The following TRAF3 variants were observed in gnomAD, a reference collection of about 807,000 sequenced individuals.
TRAF3 encodes the protein TNF receptor associated factor 3, also known as TNF receptor-associated factor 3.
A neutral mutation model predicts 62.3 loss-of-function variants in TRAF3; 13 were observed. That is an observed-to-expected ratio of 0.21 (90% CI 0.14 to 0.33). The LOEUF is 0.33. TRAF3 is among the 10% of genes least tolerant of loss of function. TRAF3 has a pLI of 1.00. For missense variants in TRAF3, 440 were observed against 741.8 expected, an observed-to-expected ratio of 0.59 and a Z score of 4.73; for synonymous variants, 269 against 283.4, an observed-to-expected ratio of 0.95 and a Z score of 0.51.
At chr14:102,804,499 A>T (rs59667165) in intron 1 of TRAF3, among the ~76,000 whole-genome samples, 3 of 151,748 alleles carry the variant, frequency 2.0e-5, no homozygotes, top group Non-Finnish European at 4.4e-5. Context: ...TTCTTTTTTT[A>T]TTTTTTGAGT....
At chr14:102,805,483 G>A (rs1222474455) in intron 1 of TRAF3, among the ~76,000 whole-genome samples, 1 of 152,156 alleles carries the variant, frequency 6.6e-6, no homozygotes, top group Non-Finnish European at 1.5e-5. Context: ...GATGCTGGGA[G>A]CCCCCTTGCG....
rs1566810228 is a variant in TRAF3, at chr14:102,903,153, TCTGA to T, written c.961-98_961-95del. On this transcript the variant is annotated intron_variant, in intron 10 of 11. Coordinates refer to ENST00000392745, the MANE Select transcript of TRAF3 (RefSeq NM_145725.3). This position sits in a 1 kb window ranked among gnomAD's most constrained non-coding sequence, Gnocchi z 6.4. ...GGGTGGCAGGCCTCATACAGGGGCCTCTGACTGTTCTGCTCCTAGCCTGTCTGTA... is the reference window on the plus strand; with the variant it reads ...GGGTGGCAGGCCTCATACAGGGGCCTCTGTTCTGCTCCTAGCCTGTCTGTA... The T allele has an allele frequency of 6.4e-7, 1 of 1,554,484 alleles. No homozygotes were observed. Among genetic ancestry groups the T allele is most frequent in the African/African-American group, 1.4e-5 (1 of 73,880 alleles).
chr14:102,782,466 C>T (rs1897308766), intron 1 of TRAF3, among the ~76,000 whole-genome samples: 1 of 152,056 alleles, frequency 6.6e-6, no homozygotes, highest in Non-Finnish European at 1.5e-5. Context: ...CTCCTGACCT[C>T]AAGTGATCCA....
At chr14:102,877,268 CCGCT>C (rs1888739912) in intron 6 of TRAF3, among the ~76,000 whole-genome samples, 1 of 145,004 alleles carries the variant, frequency 6.9e-6, no homozygotes, top group African/African-American at 2.6e-5. Context: ...CACAGGCCTT[CCGCT>C]CAGCTCATAG....
chr14:102,894,480 G>T (rs1222189429), intron 9 of TRAF3, among the ~76,000 whole-genome samples: 1 of 152,228 alleles, frequency 6.6e-6, no homozygotes, highest in Non-Finnish European at 1.5e-5. Context: ...TGTTCTCATT[G>T]CAGAGAACCT....
rs72704737 is a variant in TRAF3, at chr14:102,907,097, C to G, written c.*1313C>G. 0.25 allele frequency: 38,330 copies of G among 152,170 alleles called. 5,733 individuals are homozygous for G. The highest frequency in any genetic ancestry group is 0.4 in the African/African-American group (16,398 of 41,482). 9.4% of individuals were successfully genotyped at this position (152,170 alleles called of 1,614,324 possible). ...TGGAGCCTCCGCTGCTTAATTACCACAGATTCCAAATCTCTAGGCCCCACG... is the reference window on the plus strand; with the variant it reads ...TGGAGCCTCCGCTGCTTAATTACCAGAGATTCCAAATCTCTAGGCCCCACG... On this transcript the variant is annotated 3_prime_UTR_variant, in exon 12 of 12. Transcript: ENST00000392745.
At chr14:102,833,914 G>A (rs562641350) in intron 2 of TRAF3, among the ~76,000 whole-genome samples, 10 of 151,738 alleles carry the variant, frequency 6.6e-5, no homozygotes, top group African/African-American at 2.4e-4. Context: ...GCTTGAACCC[G>A]GGAGGCGGAG....
At chr14:102,875,488 C>A in intron 4 of TRAF3, 136 bp from the exon 5 acceptor site, 1 of 687,840 alleles carries the variant, frequency 1.5e-6, no homozygotes, top group Non-Finnish European at 2.5e-6. Flanking sequence ...TCAAGATGGT[C>A]CTTAATGCTT....
chr14:102,835,960 T>G lies in TRAF3; in HGVS notation c.-18+5488T>G, dbSNP rs147561646. Among the ~76,000 whole-genome samples, 174 of 152,300 alleles carry G rather than the reference T, an allele frequency of 1.1e-3. 2 individuals are homozygous for G. In the East Asian group the frequency reaches 0.031, roughly 27 times the overall value. Reference sequence around the variant, plus strand: ...ATGACTCATGCCTGGAATACTAGCATGTTGGCGGGAGGATCGCTTGAGGCC... The same window carrying G: ...ATGACTCATGCCTGGAATACTAGCAGGTTGGCGGGAGGATCGCTTGAGGCC... On this transcript the variant is annotated intron_variant, in intron 2 of 11. Transcript: ENST00000392745.
At chr14:102,848,849 G>A (rs1310211049) in intron 2 of TRAF3, among the ~76,000 whole-genome samples, 2 of 152,168 alleles carry the variant, frequency 1.3e-5, no homozygotes, top group Admixed American at 6.5e-5. Context: ...ATAGAGGCTC[G>A]ATCGCTTTCT....
chr14:102,879,955 A>G (rs1258848777), intron 6 of TRAF3, among the ~76,000 whole-genome samples: 1 of 152,048 alleles, frequency 6.6e-6, no homozygotes, highest in African/African-American at 2.4e-5. Flanking sequence ...TGCCTCTACG[A>G]AAAATAAAAA....
chr14:102,802,482 G>A (rs1898503611), intron 1 of TRAF3, among the ~76,000 whole-genome samples: 1 of 148,558 alleles, frequency 6.7e-6, no homozygotes, highest in Non-Finnish European at 1.5e-5. Flanking sequence ...CAAGCCAAGA[G>A]CAGAAGTTGT....
chr14:102,865,451 A>G (rs1487726080), intron 2 of TRAF3, among the ~76,000 whole-genome samples: 1 of 148,392 alleles, frequency 6.7e-6, no homozygotes. Flanking sequence ...GTTTTTATAT[A>G]TTGGATTGTC....
chr14:102,858,154 C>CTTTTTTTTTTTTTTTTT (rs59845933), intron 2 of TRAF3, among the ~76,000 whole-genome samples: 1 of 145,580 alleles, frequency 6.9e-6, no homozygotes. Context: ...CTCTGTTCTT[C>CTTTTTTTTTTTTTTTTT]TTTTTTTTTT....
At chr14:102,781,322 A>G (rs1379177447) in intron 1 of TRAF3, among the ~76,000 whole-genome samples, 2 of 152,194 alleles carry the variant, frequency 1.3e-5, no homozygotes, top group East Asian at 1.9e-4. Context: ...GGCTCTTGCC[A>G]GGCAGGGCCT....
At chr14:102,839,808 T>C (rs1445456782) in intron 2 of TRAF3, among the ~76,000 whole-genome samples, 3 of 152,242 alleles carry the variant, frequency 2.0e-5, no homozygotes, top group African/African-American at 7.2e-5. Context: ...ACACATCTAA[T>C]GATTGCCTCT....
chr14:102,876,155 C>G (rs184466974), intron 5 of TRAF3, among the ~76,000 whole-genome samples: 6 of 152,284 alleles, frequency 3.9e-5, no homozygotes, highest in Non-Finnish European at 1.5e-5. Context: ...AATTCTTCAA[C>G]AACAATATGG....
chr14:102,885,487 C>T (rs1160482375), intron 6 of TRAF3, among the ~76,000 whole-genome samples: 1 of 152,166 alleles, frequency 6.6e-6, no homozygotes, highest in Non-Finnish European at 1.5e-5. Flanking sequence ...TGTGGGGAGT[C>T]CTTGCCCTTG....
chr14:102,878,174 AT>A (rs1888824884), intron 6 of TRAF3, among the ~76,000 whole-genome samples: 1 of 152,206 alleles, frequency 6.6e-6, no homozygotes, highest in Non-Finnish European at 1.5e-5. Context: ...ATGTTGATAG[AT>A]TGCCTGGTCT....
Sources: allele counts gnomAD v4.1 joint callset (sites outside exome capture counted in the v4.1 genomes callset), GRCh38; gene constraint gnomAD v4.1.1; non-coding constraint Gnocchi (gnomAD v3.1); transcripts MANE v1.5; gene names NCBI Gene and HGNC (gene_info 2026-07-23, HGNC 2026-07-21).